RERE: variants seen among roughly 807,000 people sequenced by gnomAD.
The protein encoded by RERE is arginine-glutamic acid dipeptide repeats.
Under a neutral mutation model 146.1 loss-of-function variants are expected in RERE, and 40 were observed. That is an observed-to-expected ratio of 0.27 (90% CI 0.21 to 0.36). RERE has a LOEUF of 0.36. Among genes scored for constraint, RERE ranks in the 10% least tolerant of loss-of-function variants. The pLI, the probability that RERE is intolerant of heterozygous loss-of-function variation, is 1.00. For synonymous variants in RERE, 1,003 were observed against 866.0 expected (o/e 1.16, Z -2.78); for missense variants, 1,933 against 2,138.7 (o/e 0.90, Z 1.90).
At chr1:8,702,175 A>C (rs1459535647) in intron 1 of RERE, among the ~76,000 whole-genome samples, 1 of 152,200 alleles carries the variant, frequency 6.6e-6, no homozygotes, top group Non-Finnish European at 1.5e-5. Flanking sequence ...CAATCTTAAA[A>C]CACAGAGGCA....
At chr1:8,749,728 A>G (rs773220511) in intron 1 of RERE, among the ~76,000 whole-genome samples, 16 of 152,228 alleles carry the variant, frequency 1.1e-4, no homozygotes, top group Non-Finnish European at 2.4e-4. Context: ...CTATGCTGGC[A>G]CACAGCCATG....
At chr1:8,657,040 C>G (rs1376874614) in intron 1 of RERE, among the ~76,000 whole-genome samples, 1 of 152,190 alleles carries the variant, frequency 6.6e-6, no homozygotes, top group East Asian at 1.9e-4. Context: ...CGGTGGCTCA[C>G]GCCTGTAATC....
intron 1 of RERE, among the ~76,000 whole-genome samples, chr1:8,800,408 C>T (rs1160077483): frequency 6.6e-6 from 1 of 152,082 alleles, no homozygotes; most frequent in Non-Finnish European, 1.5e-5. Context: ...CGAAGTATTC[C>T]ATATAACATA....
chr1:8,474,852 C>A (rs1644732888), intron 10 of RERE, among the ~76,000 whole-genome samples: 1 of 152,158 alleles, frequency 6.6e-6, no homozygotes, highest in African/African-American at 2.4e-5. Context: ...AGTTAGACTG[C>A]ATTCAGGCTA....
At chr1:8,684,057 A>C (rs1639033290) in intron 1 of RERE, among the ~76,000 whole-genome samples, 2 of 152,350 alleles carry the variant, frequency 1.3e-5, no homozygotes, top group Admixed American at 6.5e-5. Context: ...CCAGGTTAAC[A>C]ATACTACTTC....
chr1:8,772,323 T>C (rs1367502996), intron 1 of RERE, among the ~76,000 whole-genome samples: 1 of 152,198 alleles, frequency 6.6e-6, no homozygotes, highest in African/African-American at 2.4e-5. Context: ...AATTCTGTTT[T>C]ACTTTATCCT....
chr1:8,509,748 C>T (rs968449843), intron 7 of RERE, among the ~76,000 whole-genome samples: 3 of 152,088 alleles, frequency 2.0e-5, no homozygotes, highest in Admixed American at 1.3e-4. Flanking sequence ...GAGCCATGTT[C>T]GCACCACTGC....
At chr1:8,496,875 G>C (rs1645053453) in intron 9 of RERE, among the ~76,000 whole-genome samples, 1 of 152,216 alleles carries the variant, frequency 6.6e-6, no homozygotes, top group Non-Finnish European at 1.5e-5. Context: ...AGAGGGTTTT[G>C]TTTTTGTTTT....
intron 3 of RERE, among the ~76,000 whole-genome samples, chr1:8,623,090 T>G (rs9783001): frequency 6.6e-6 from 1 of 152,156 alleles, no homozygotes; most frequent in Non-Finnish European, 1.5e-5. Flanking sequence ...TTTCAAAAGA[T>G]TCCCAAATGA....
At chr1:8,667,278 AG>A (rs1317437858) in intron 1 of RERE, among the ~76,000 whole-genome samples, 1 of 152,232 alleles carries the variant, frequency 6.6e-6, no homozygotes, top group Non-Finnish European at 1.5e-5. Flanking sequence ...AAACCAAGTA[AG>A]AAACGATATA....
At chr1:8,777,497 G>GT (rs1641087069) in intron 1 of RERE, among the ~76,000 whole-genome samples, 1 of 149,506 alleles carries the variant, frequency 6.7e-6, no homozygotes, top group Non-Finnish European at 1.5e-5. Context: ...GAAGACAGTA[G>GT]TTTGAGACAG....
intron 1 of RERE, among the ~76,000 whole-genome samples, chr1:8,702,388 A>T (rs1219905705): frequency 2.6e-5 from 4 of 152,244 alleles, no homozygotes; most frequent in Admixed American, 6.5e-5. Context: ...AAAGTGGTCA[A>T]GCAGGTCTCC....
intron 10 of RERE, among the ~76,000 whole-genome samples, chr1:8,474,086 T>C (rs564139677): frequency 1.3e-5 from 2 of 152,256 alleles, no homozygotes; most frequent in Non-Finnish European, 2.9e-5. Flanking sequence ...TGACAAATCA[T>C]TCCATGCTTA....
chr1:8,404,428 C>A (rs944097041), intron 12 of RERE, among the ~76,000 whole-genome samples: 1 of 151,086 alleles, frequency 6.6e-6, no homozygotes, highest in Non-Finnish European at 1.5e-5. Context: ...AAAAAAAAAA[C>A]AAACAAACAA....
chr1:8,648,054 C>T (rs1207594695), intron 2 of RERE, among the ~76,000 whole-genome samples: 2 of 152,164 alleles, frequency 1.3e-5, no homozygotes, highest in Non-Finnish European at 1.5e-5. Context: ...TACCATAAAA[C>T]GTAACATGGC....
At chr1:8,399,935 TC>T (rs1448723390) in intron 12 of RERE, among the ~76,000 whole-genome samples, 9 of 151,998 alleles carry the variant, frequency 5.9e-5, no homozygotes, top group Non-Finnish European at 1.0e-4. Context: ...ACTATGTCAT[TC>T]AGGTGGGACT....
At chr1:8,412,122 C>T (rs190128287) in intron 12 of RERE, among the ~76,000 whole-genome samples, 173 of 152,194 alleles carry the variant, frequency 1.1e-3, no homozygotes, top group East Asian at 3.3e-3. Flanking sequence ...GCTCCGGCCC[C>T]GAAAATAATC....
intron 19 of RERE, 34 bp downstream of exon 19, chr1:8,359,730 G>A (rs200579050): frequency 4.2e-4 from 671 of 1,592,232 alleles, no homozygotes; most frequent in Non-Finnish European, 5.2e-4. Context: ...ATGGACCAGC[G>A]CCCCCCGTCA....
chr1:8,358,281 C>T lies in RERE; in HGVS notation c.4254G>A (p.Gln1418=), dbSNP rs1388165986. The T allele has an allele frequency of 6.2e-7, 1 of 1,613,664 alleles. No homozygotes were observed. Among genetic ancestry groups the T allele is most frequent in the African/African-American group, 1.3e-5 (1 of 75,052 alleles). The change falls in exon 20 of 23, where the codon CAG becomes CAA. Residue 1418 remains glutamine (Q), a synonymous_variant. Coordinates refer to ENST00000400908, the MANE Select transcript of RERE (RefSeq NM_001042681.2). ...SLTSDPLARL[Q]MFNVTPHHHQ... The stretch of plus-strand genomic sequence containing the variant: ...GATGGTGCGGAGTCACGTTGAACAT[C>T]TGCAGTCGGGCCAGGGGATCGCTGG...
Sources: gnomAD v4.1 joint callset for allele counts (sites outside exome capture counted in the v4.1 genomes callset) on GRCh38, gnomAD v4.1.1 for gene constraint, MANE v1.5 for transcripts, NCBI Gene and HGNC (gene_info 2026-07-23, HGNC 2026-07-21) for gene names.